NEBL: variants seen among roughly 807,000 people sequenced by gnomAD.
The protein encoded by NEBL is nebulette.
Under a neutral mutation model 140.2 loss-of-function variants are expected in NEBL, and 122 were observed. That is an observed-to-expected ratio of 0.87 (90% CI 0.75 to 1.01). The LOEUF (loss-of-function observed/expected upper bound fraction) is 1.01, where lower values mean the gene tolerates loss of function less well. Ranked by LOEUF, NEBL falls within the 50% of genes least tolerant of loss-of-function variation. The probability of loss-of-function intolerance (pLI) is 0.00; values close to 1 mark genes in which losing one functional copy is unlikely to be tolerated. For synonymous variants in NEBL, 436 were observed against 398.9 expected (o/e 1.09, Z -1.11); for missense variants, 1,365 against 1,231.3 (o/e 1.11, Z -1.62).
chr10:20,852,683 CA>C, intron 9 of NEBL, 34 bp from the exon 10 acceptor site: 1 of 1,475,104 alleles, frequency 6.8e-7, no homozygotes, highest in Non-Finnish European at 9.5e-7. Flanking sequence ...AACTTAGAAT[CA>C]AAGAGACTGA....
intron 3 of NEBL, among the ~76,000 whole-genome samples, chr10:21,186,986 GTA>G (rs1187442881): frequency 3.1e-5 from 4 of 128,822 alleles, no homozygotes; most frequent in Admixed American, 2.3e-4. Flanking sequence ...GGCCAACTCT[GTA>G]TGTGTGTGTG....
intron 2 of NEBL, among the ~76,000 whole-genome samples, chr10:21,053,830 C>T (rs763288680): frequency 3.9e-5 from 6 of 152,090 alleles, no homozygotes; most frequent in East Asian, 1.9e-4. Context: ...GTCAAGAGTT[C>T]GATACTAGCC....
chr10:20,918,716 T>C (rs1355514688), intron 4 of NEBL, among the ~76,000 whole-genome samples: 1 of 149,362 alleles, frequency 6.7e-6, no homozygotes, highest in Non-Finnish European at 1.5e-5. Context: ...ACAGGCGTGG[T>C]GGCGGGCGCC....
intron 2 of NEBL, among the ~76,000 whole-genome samples, chr10:21,248,997 C>T (rs371743496): frequency 1.2e-4 from 18 of 151,282 alleles, no homozygotes; most frequent in East Asian, 1.2e-3. Flanking sequence ...CTATTTAAGT[C>T]CTTTGCTCAT....
At chr10:21,277,894 T>C (rs887783674) in intron 1 of NEBL, among the ~76,000 whole-genome samples, 3 of 152,180 alleles carry the variant, frequency 2.0e-5, no homozygotes, top group African/African-American at 4.8e-5. Context: ...TGGGCTCAAG[T>C]AGTCCTCCTA....
chr10:20,909,925 T>C (rs1848262014), intron 4 of NEBL, among the ~76,000 whole-genome samples: 1 of 152,212 alleles, frequency 6.6e-6, no homozygotes, highest in African/African-American at 2.4e-5. Flanking sequence ...TTATAATACT[T>C]GCCTAGTATC....
At chr10:20,897,385 A>G, upstream of NEBL, 1 of 1,405,668 alleles carries the variant, frequency 7.1e-7, no homozygotes, top group Non-Finnish European at 9.2e-7. Flanking sequence ...GTGAACAGAA[A>G]AGGATCCCAG....
rs113620951 is a variant in NEBL at position 21,240,574 on chromosome 10, G to A, written n.348+7347C>T. Reference sequence around the variant, plus strand: ...AGGAGAATTGCTTAAACCCAAAATCGCGCTACTGCACTCCAGCCTGGGCGA... The same window carrying A: ...AGGAGAATTGCTTAAACCCAAAATCACGCTACTGCACTCCAGCCTGGGCGA... On this transcript the variant is annotated intron_variant and non_coding_transcript_variant, in intron 3 of 8. Transcript: ENST00000675702. Among the ~76,000 whole-genome samples the A allele has an allele frequency of 7.9e-3, 1,196 of 152,050 alleles. 12 individuals are homozygous for A. Among genetic ancestry groups the A allele is most frequent in the Non-Finnish European group, 0.012 (830 of 67,968 alleles).
At chr10:21,113,290 T>TAAAAAAAAAAAAAAAAAAGA (rs56366013) in intron 2 of NEBL, 1 of 116,782 alleles carries the variant, frequency 8.6e-6, no homozygotes, top group African/African-American at 9.1e-5. Flanking sequence ...ATGAGAATCC[T>TAAAAAAAAAAAAAAAAAAGA]AAAAAAAAAA....
At chr10:21,037,196 G>A (rs1834047767) in intron 2 of NEBL, among the ~76,000 whole-genome samples, 1 of 137,332 alleles carries the variant, frequency 7.3e-6, no homozygotes, top group Non-Finnish European at 1.5e-5. Context: ...AGCAGCCAGC[G>A]ACCATCCAGT....
At chr10:21,046,703 C>A (rs999896813) in intron 2 of NEBL, among the ~76,000 whole-genome samples, 1 of 152,112 alleles carries the variant, frequency 6.6e-6, no homozygotes, top group Non-Finnish European at 1.5e-5. Flanking sequence ...CGGGTTCACG[C>A]CATTCTCCTG....
chr10:21,210,094 T>C (rs1476624119), intron 3 of NEBL, among the ~76,000 whole-genome samples: 1 of 152,044 alleles, frequency 6.6e-6, no homozygotes, highest in Non-Finnish European at 1.5e-5. Flanking sequence ...CTGTTCCTTG[T>C]AGGAAAAACA....
chr10:20,989,470 C>G (rs1269425856), intron 3 of NEBL, among the ~76,000 whole-genome samples: 2 of 152,108 alleles, frequency 1.3e-5, no homozygotes. Context: ...CAACGTAACT[C>G]CAACCAAAAT....
intron 1 of NEBL, among the ~76,000 whole-genome samples, chr10:21,280,402 A>C (rs1842977266): frequency 6.6e-6 from 1 of 152,162 alleles, no homozygotes. Context: ...TAGGAGTTGG[A>C]TTTCGGGCAA....
chr10:21,103,476 G>A (rs1342809782), intron 2 of NEBL, among the ~76,000 whole-genome samples: 1 of 152,134 alleles, frequency 6.6e-6, no homozygotes, highest in East Asian at 1.9e-4. Flanking sequence ...GCCTCCCAAA[G>A]TTCTGGGATT....
chr10:21,123,342 T>C (rs1463208526), intron 2 of NEBL, among the ~76,000 whole-genome samples: 3 of 152,226 alleles, frequency 2.0e-5, no homozygotes, highest in Admixed American at 2.0e-4. Context: ...TTTTGGCAAA[T>C]AGACTAAACT....
At chr10:20,828,706 C>T in intron 16 of NEBL, 72 bp from the exon 17 acceptor site, 2 of 989,226 alleles carry the variant, frequency 2.0e-6, no homozygotes, top group Non-Finnish European at 3.1e-6. Flanking sequence ...GGGAGGGAGG[C>T]AGGAAAGGAG....
At chr10:21,030,756 C>A in intron 2 of NEBL, 1 of 426,436 alleles carries the variant, frequency 2.3e-6, no homozygotes, top group African/African-American at 2.0e-5. Flanking sequence ...GGAAAGATGG[C>A]AAAAAGGAGC....
chr10:20,874,332 G>T (rs1845272662), intron 5 of NEBL, among the ~76,000 whole-genome samples: 1 of 152,176 alleles, frequency 6.6e-6, no homozygotes. Flanking sequence ...TGTCCTGCCA[G>T]ATACCCCATC....
Sources: allele counts gnomAD v4.1 joint callset (sites outside exome capture counted in the v4.1 genomes callset), GRCh38; gene constraint gnomAD v4.1.1; transcripts MANE v1.5; gene names NCBI Gene and HGNC (gene_info 2026-07-23, HGNC 2026-07-21).